CALCRL: variants seen among roughly 807,000 people sequenced by gnomAD.
CALCRL encodes calcitonin gene-related peptide type 1 receptor.
A neutral mutation model predicts 60.4 loss-of-function variants in CALCRL; 27 were observed. The observed-to-expected ratio is 0.45, with a 90% CI of 0.33 to 0.62. CALCRL has a LOEUF of 0.62. CALCRL is among the 20% of genes least tolerant of loss of function. The pLI is 0.03. For synonymous variants in CALCRL, 190 were observed against 182.6 expected, an observed-to-expected ratio of 1.04 and a Z score of -0.33; for missense variants, 424 against 540.7, an observed-to-expected ratio of 0.78 and a Z score of 2.14.
intron 1 of CALCRL, among the ~76,000 whole-genome samples, chr2:187,422,698 G>A (rs1451924198): frequency 1.3e-5 from 2 of 151,842 alleles, no homozygotes; most frequent in Admixed American, 1.3e-4. Context: ...TTGTCTTTTA[G>A]AAATTATCAG....
rs773445338 is a variant in CALCRL at position 187,380,468 on chromosome 2, T to C, written c.407A>G (p.Lys136Arg). 1 of 1,561,294 alleles carries C rather than the reference T, an allele frequency of 6.4e-7. No individual in the cohort carries two copies. Among genetic ancestry groups the C allele is most frequent in the Non-Finnish European group, 8.8e-7 (1 of 1,132,510 alleles). Residue 136 changes from lysine (K) to arginine (R), a missense_variant and splice_region_variant, in exon 7 of 15, where the codon AAG becomes AGG. By Grantham distance (26) the Lys-to-Arg change is conservative (BLOSUM62 2). Around this residue, in one of 7 missense-constraint regions of CALCRL, gnomAD observed 43 missense variants for 46.6 expected, o/e 0.92. Coordinates refer to ENST00000392370, the MANE Select transcript of CALCRL (RefSeq NM_005795.6). ...QCNVNTHEKV[K>R]TALNLFYLTI... ...TTTCAATTCAGAATTATGACATACC[T>C]TCACTTTCTCGTGGGTGTTAACATT...
intron 1 of CALCRL, among the ~76,000 whole-genome samples, chr2:187,401,360 T>A (rs80344111): frequency 0.013 from 1,918 of 151,766 alleles, 21 homozygotes; most frequent in Non-Finnish European, 0.022. Flanking sequence ...ATCATGCATG[T>A]AAACTCTGAA....
rs577377620 is a variant in CALCRL, at chr2:187,384,974, A to C, written c.51+571T>G. 1.8e-4 allele frequency among the ~76,000 whole-genome samples: 27 copies of C among 152,230 alleles called. 1 individual carries two copies. Among genetic ancestry groups the C allele is most frequent in the African/African-American group, 5.3e-4 (22 of 41,550 alleles). Reference sequence around the variant, plus strand: ...TTTTTGTCTTATTTGCCTACCTTCCACCTTGGGCCCCATATCCCCATTGTA... The same window carrying C: ...TTTTTGTCTTATTTGCCTACCTTCCCCCTTGGGCCCCATATCCCCATTGTA... On this transcript the variant is annotated intron_variant, in intron 4 of 14. Transcript: ENST00000392370.
At chr2:187,413,063 A>T (rs1344864236) in intron 1 of CALCRL, among the ~76,000 whole-genome samples, 1 of 152,270 alleles carries the variant, frequency 6.6e-6, no homozygotes, top group Non-Finnish European at 1.5e-5. Flanking sequence ...GTATATAAGG[A>T]TTTATCTCTG....
At chr2:187,411,239 G>A (rs1352286173) in intron 1 of CALCRL, among the ~76,000 whole-genome samples, 1 of 151,322 alleles carries the variant, frequency 6.6e-6, no homozygotes, top group African/African-American at 2.5e-5. Flanking sequence ...TCTATCAAAA[G>A]TTGTAATAAC....
chr2:187,378,314 A>G (rs2105774954), intron 8 of CALCRL, among the ~76,000 whole-genome samples: 1 of 152,258 alleles, frequency 6.6e-6, no homozygotes, highest in South Asian at 2.1e-4. Flanking sequence ...AATCATGTGA[A>G]GGGATAAAAT....
chr2:187,360,578 G>A lies in CALCRL; in HGVS notation c.781+20C>T. 6.3e-7 allele frequency: 1 copy of A among 1,591,622 alleles called. No individual in the cohort carries two copies. The highest frequency in any genetic ancestry group is 8.6e-7 in the Non-Finnish European group (1 of 1,169,426). Reference sequence around the variant, plus strand: ...CTTCTTTAATCCACTGAATCAACAAGTATGTATAATAACACTTACCCCAGC... The same window carrying A: ...CTTCTTTAATCCACTGAATCAACAAATATGTATAATAACACTTACCCCAGC... On this transcript the variant is annotated intron_variant, in intron 10 of 14. Coordinates refer to ENST00000392370, the MANE Select transcript of CALCRL (RefSeq NM_005795.6).
At chr2:187,417,794 T>G (rs1355130988) in intron 1 of CALCRL, among the ~76,000 whole-genome samples, 1 of 152,152 alleles carries the variant, frequency 6.6e-6, no homozygotes, top group Non-Finnish European at 1.5e-5. Context: ...GTATTTAAAT[T>G]TAGATTTTGT....
At chr2:187,356,836 G>A (rs1349526306) in intron 12 of CALCRL, among the ~76,000 whole-genome samples, 1 of 151,586 alleles carries the variant, frequency 6.6e-6, no homozygotes, top group East Asian at 1.9e-4. Context: ...TCAAAAAGTG[G>A]GCAAATGATA....
At chr2:187,375,181 A>G (rs963026953) in intron 8 of CALCRL, among the ~76,000 whole-genome samples, 1 of 150,706 alleles carries the variant, frequency 6.6e-6, no homozygotes, top group Non-Finnish European at 1.5e-5. Context: ...CTGAGGCAGG[A>G]GAATGGCGTG....
intron 1 of CALCRL, chr2:187,415,707 C>T: frequency 1.8e-6 from 1 of 569,738 alleles, no homozygotes; most frequent in South Asian, 1.8e-5. Context: ...TCAACAGTGA[C>T]ACCCACTCTT....
intron 1 of CALCRL, among the ~76,000 whole-genome samples, chr2:187,420,990 T>C (rs917485495): frequency 2.6e-5 from 4 of 152,214 alleles, no homozygotes; most frequent in African/African-American, 4.8e-5. Context: ...AATTTACGTG[T>C]TGCCTTTCTT....
chr2:187,367,661 A>G (rs1267420027), intron 8 of CALCRL, among the ~76,000 whole-genome samples: 2 of 152,096 alleles, frequency 1.3e-5, no homozygotes, highest in African/African-American at 4.8e-5. Flanking sequence ...AAATTCTTAA[A>G]TATTCTTATT....
intron 8 of CALCRL, among the ~76,000 whole-genome samples, chr2:187,371,912 C>A (rs1042511881): frequency 6.6e-6 from 1 of 152,042 alleles, no homozygotes; most frequent in South Asian, 2.1e-4. Context: ...GAATTTTGGT[C>A]ATTTGTACTG....
chr2:187,359,293 GAAAAT>G (rs773047310), intron 10 of CALCRL, 21 bp from the exon 11 acceptor site: 1 of 1,450,280 alleles, frequency 6.9e-7, no homozygotes, highest in Non-Finnish European at 9.2e-7. Flanking sequence ...AAAAAAAAAA[GAAAAT>G]AAATAGGCAT....
chr2:187,416,093 G>A (rs1389859865), intron 1 of CALCRL, among the ~76,000 whole-genome samples: 2 of 152,132 alleles, frequency 1.3e-5, no homozygotes, highest in African/African-American at 2.4e-5. Flanking sequence ...AATGCTAAGA[G>A]AGTGGATGTT....
chr2:187,389,860 A>T (rs1688361675), intron 1 of CALCRL, among the ~76,000 whole-genome samples: 1 of 152,116 alleles, frequency 6.6e-6, no homozygotes, highest in Non-Finnish European at 1.5e-5. Context: ...ATTATTAGTA[A>T]CGTATCTATT....
At chr2:187,441,258 C>T (rs763912831) in intron 1 of CALCRL, among the ~76,000 whole-genome samples, 10 of 151,500 alleles carry the variant, frequency 6.6e-5, no homozygotes, top group East Asian at 1.9e-4. Context: ...AGGTTTGCTA[C>T]GATAATAAAT....
At chr2:187,386,735 C>T (rs975716345) in intron 3 of CALCRL, among the ~76,000 whole-genome samples, 10 of 118,296 alleles carry the variant, frequency 8.5e-5, no homozygotes, top group Non-Finnish European at 1.8e-4. Flanking sequence ...AGTGTCCCCA[C>T]CTAAATCTCA....
Sources: gnomAD v4.1 joint callset for allele counts (sites outside exome capture counted in the v4.1 genomes callset) on GRCh38, gnomAD v4.1.1 for gene constraint, gnomAD v4.1.1 regional missense constraint, MANE v1.5 for transcripts, NCBI Gene and HGNC (gene_info 2026-07-23, HGNC 2026-07-21) for gene names.